Variants in SPINT1 observed in about 807,000 individuals in gnomAD.
SPINT1 encodes the protein kunitz-type protease inhibitor 1.
SPINT1 carries 38 observed loss-of-function variants against 53.7 expected under a neutral mutation model. The ratio of observed to expected loss-of-function variants is 0.71; its 90% CI spans 0.55 to 0.93. SPINT1 has a LOEUF of 0.93. Among genes scored for constraint, SPINT1 ranks in the 40% least tolerant of loss-of-function variants. The pLI, the probability that SPINT1 is intolerant of heterozygous loss-of-function variation, is 0.00. For missense variants in SPINT1, 645 were observed against 692.9 expected (o/e 0.93, Z 0.78); for synonymous variants, 283 against 280.6 (o/e 1.01, Z -0.08).
In SPINT1 at chr15:40,853,721, C is replaced by T. The variant is rs17658212; in HGVS notation, c.753C>T (p.Leu251=). 0.053 allele frequency: 86,342 copies of T among 1,614,104 alleles called. 2,720 individuals are homozygous for T. The highest frequency in any genetic ancestry group is 0.063 in the Non-Finnish European group (74,265 of 1,179,950). The part of the protein sequence containing the change: ...LSTKQTEDYC[L]ASNKVGRCRG... ...AGCTCTCCCCCCTAGACTACTGCCT[C>T]GCATCCAACAAGGTGGGTCGCTGCC... The change falls in exon 5 of 11, where the codon CTC becomes CTT. Residue 251 remains leucine, a synonymous_variant. Transcript: ENST00000562057.
chr15:40,851,209 A>C (rs1891445642), intron 2 of SPINT1, among the ~76,000 whole-genome samples: 1 of 149,230 alleles, frequency 6.7e-6, no homozygotes, highest in Non-Finnish European at 1.5e-5. Context: ...GCTGGAGTGC[A>C]GTGGCACGAT....
intron 2 of SPINT1, among the ~76,000 whole-genome samples, chr15:40,846,629 C>A (rs565342941): frequency 1.7e-3 from 254 of 152,262 alleles, no homozygotes; most frequent in Non-Finnish European, 2.0e-3. Context: ...CAGTGGATAA[C>A]AGAACCGGGG....
chr15:40,856,399 A>T lies in SPINT1; in HGVS notation c.1336+76A>T, dbSNP rs563184898. 90 of 1,576,572 alleles carry T rather than the reference A, an allele frequency of 5.7e-5. No individual in the cohort carries two copies. In the East Asian group the frequency reaches 2.0e-3, roughly 35 times the overall value. On this transcript the variant is annotated intron_variant, in intron 10 of 10. Coordinates refer to ENST00000562057, the MANE Select transcript of SPINT1 (RefSeq NM_003710.4). ...ACGGATCAACTCCACCTGTTGTGAC[A>T]GCCTAACCTGTGTTGAGAAGGATGC...
Position 40,855,903 on chromosome 15 carries a change from G to T in SPINT1, c.1129G>T (p.Asp377Tyr). 1.2e-6 allele frequency: 2 copies of T among 1,614,106 alleles called. No homozygotes were observed. Among genetic ancestry groups the T allele is most frequent in the Non-Finnish European group, 8.5e-7 (1 of 1,179,974 alleles). ...CCCATACCCCCCAGGGCACTGCGTG[G>T]ACCTGCCAGACACAGGACTCTGCAA... The part of the protein sequence containing the change: ...HFPSDKGHCV[D>Y]LPDTGLCKES... Residue 377 changes from aspartate to tyrosine, a missense_variant, in exon 9 of 11, where the codon GAC becomes TAC. Physicochemically the swap from Asp to Tyr is radical, Grantham distance 160. Coordinates refer to ENST00000562057, the MANE Select transcript of SPINT1 (RefSeq NM_003710.4).
intron 2 of SPINT1, among the ~76,000 whole-genome samples, chr15:40,849,050 T>G (rs1198289745): frequency 6.6e-6 from 1 of 151,438 alleles, no homozygotes; most frequent in Non-Finnish European, 1.5e-5. Context: ...ATTGAGACCA[T>G]CCTGGCTAAC....
At position 40,856,348 on chromosome 15, in the gene SPINT1, T is replaced by C. The variant is rs766065211; in HGVS notation, c.1336+25T>C. ...GGTAAGCCCTGATCTGTCCTGTAAC[T>C]GAGGTTAGCATGTAGGTATCAACTC... On this transcript the variant is annotated intron_variant, in intron 10 of 10. Transcript: ENST00000562057. The C allele has an allele frequency of 5.0e-6, 8 of 1,613,896 alleles. No individual in the cohort carries two copies. The Admixed American group carries it at 1.3e-4, about 27-fold the overall frequency.
Position 40,858,123 on chromosome 15 carries a change from G to GA in SPINT1, c.*1149dup, listed in dbSNP as rs1238123146. 1.3e-5 allele frequency: 2 copies of GA among 149,322 alleles called. No individual in the cohort carries two copies. Among genetic ancestry groups the GA allele is most frequent in the African/African-American group, 5.0e-5 (2 of 40,204 alleles). The allele number at this position is 149,322 out of a possible 1,614,324, so 9.2% of individuals were successfully genotyped here. A position where few individuals can be genotyped will look rare whatever the true frequency, so the allele number is the denominator to read the frequency against. ...CTCCTTCCCAGGAGCCTTTAGTAGA[G>GA]ACACGCCACTCCAACCCACACCCCT... On this transcript the variant is annotated 3_prime_UTR_variant, in exon 11 of 11. Transcript: ENST00000562057.
intron 2 of SPINT1, among the ~76,000 whole-genome samples, chr15:40,845,370 A>G (rs778123297): frequency 2.0e-5 from 2 of 101,278 alleles, no homozygotes; most frequent in Non-Finnish European, 3.6e-5. Context: ...GGGTTTCACT[A>G]TGTTGGCCAG....
rs1328191189 is a variant in SPINT1, at chr15:40,857,902, CCTG to C, written c.*928_*930del. The C allele has an allele frequency of 6.6e-6, 1 of 152,270 alleles. No individual in the cohort carries two copies. Among genetic ancestry groups the C allele is most frequent in the Non-Finnish European group, 1.5e-5 (1 of 68,104 alleles). The allele number at this position is 152,270 out of a possible 1,614,324, so 9.4% of individuals were successfully genotyped here. On this transcript the variant is annotated 3_prime_UTR_variant, in exon 11 of 11. Coordinates refer to ENST00000562057, the MANE Select transcript of SPINT1 (RefSeq NM_003710.4). Reference sequence around the variant, plus strand: ...GCAGTGCTGCTGTGTAGCATTTCTTCCTGGTGTGAGCCTCTCCACAAGCCTGTT... The same window carrying C: ...GCAGTGCTGCTGTGTAGCATTTCTTCGTGTGAGCCTCTCCACAAGCCTGTT...
At chr15:40,847,187 T>G (rs1285322194) in intron 2 of SPINT1, among the ~76,000 whole-genome samples, 1 of 152,154 alleles carries the variant, frequency 6.6e-6, no homozygotes, top group Non-Finnish European at 1.5e-5. Flanking sequence ...GGCTTGGACT[T>G]AGTATGAGCT....
Position 40,844,694 on chromosome 15 carries a change from G to A in SPINT1, c.140G>A (p.Gly47Glu), listed in dbSNP as rs1378707323. ...CCCGCGCCCCCTGGGCTGCCCGCGGGAGCCGACTGCCTGAACAGCTTTACC... is the reference window on the plus strand; with the variant it reads ...CCCGCGCCCCCTGGGCTGCCCGCGGAAGCCGACTGCCTGAACAGCTTTACC... ...PPPAPPGLPA[G>E]ADCLNSFTAG... Residue 47 changes from glycine to glutamate, a missense_variant, in exon 2 of 11, where the codon GGA becomes GAA. Gly to Glu is a moderately conservative substitution (Grantham distance 98, BLOSUM62 -2). Transcript: ENST00000562057. The surrounding 1 kb of genome is among the most constrained non-coding windows in gnomAD (Gnocchi z 5.8). The A allele has an allele frequency of 6.2e-7, 1 of 1,607,800 alleles. No homozygotes were observed. The highest frequency in any genetic ancestry group is 8.5e-7 in the Non-Finnish European group (1 of 1,177,202).
At position 40,857,110 on chromosome 15, in the gene SPINT1, C is replaced by A. The variant is rs1856982176; in HGVS notation, c.*135C>A. ...GTGCCTCAGAGACCAGGGCTCCAGCCCCTCTTGGAGAAGTCTCAGCTAAGC... is the reference window on the plus strand; with the variant it reads ...GTGCCTCAGAGACCAGGGCTCCAGCACCTCTTGGAGAAGTCTCAGCTAAGC... On this transcript the variant is annotated 3_prime_UTR_variant, in exon 11 of 11. Coordinates refer to ENST00000562057, the MANE Select transcript of SPINT1 (RefSeq NM_003710.4). 1 of 1,196,806 alleles carries A rather than the reference C, an allele frequency of 8.4e-7. No homozygotes were observed. The highest frequency in any genetic ancestry group is 1.1e-6 in the Non-Finnish European group (1 of 871,944). 74.1% of individuals were successfully genotyped at this position (1,196,806 alleles called of 1,614,324 possible).
At chr15:40,856,097 G>T in intron 9 of SPINT1, 35 bp downstream of exon 9, 1 of 1,611,586 alleles carries the variant, frequency 6.2e-7, no homozygotes, top group Non-Finnish European at 8.5e-7. Flanking sequence ...GCATGTATGG[G>T]GGAAGGCTTA....
chr15:40,854,601 C>T (rs1385499359), intron 7 of SPINT1, 38 bp from the exon 8 acceptor site: 2 of 1,614,080 alleles, frequency 1.2e-6, no homozygotes, highest in African/African-American at 1.3e-5. Context: ...CTGGGAGACC[C>T]TTGTTGGGTC....
chr15:40,853,997 C>A, intron 5 of SPINT1, 63 bp from the exon 6 acceptor site: 1 of 1,594,380 alleles, frequency 6.3e-7, no homozygotes, highest in Non-Finnish European at 8.6e-7. Flanking sequence ...CCACCCACCC[C>A]AATTATCTCA....
At position 40,844,586 on chromosome 15, in the gene SPINT1, G is replaced by A. The variant is rs1006193719; in HGVS notation, c.32G>A (p.Arg11His). 3 of 1,609,350 alleles carry A rather than the reference G, an allele frequency of 1.9e-6. No individual in the cohort carries two copies. The highest frequency in any genetic ancestry group is 1.3e-5 in the African/African-American group (1 of 74,516). Residue 11 changes from arginine to histidine, a missense_variant, in exon 2 of 11, where the codon CGC becomes CAC. By Grantham distance (29) the Arg-to-His change is conservative. Transcript: ENST00000562057. This position sits in a 1 kb window ranked among gnomAD's most constrained non-coding sequence, Gnocchi z 5.8. The part of the protein sequence containing the change: MAPARTMARA[R>H]LAPAGIPAVA... ...CCTGCGAGGACGATGGCCCGCGCCCGCCTCGCCCCGGCCGGCATCCCTGCC... is the reference window on the plus strand; with the variant it reads ...CCTGCGAGGACGATGGCCCGCGCCCACCTCGCCCCGGCCGGCATCCCTGCC...
At position 40,854,475 on chromosome 15, in the gene SPINT1, A is replaced by G; in HGVS notation, c.1019A>G (p.Asp340Gly). ...ATCGACAGTTTCCTGGAGTGTGACG[A>G]CACCCCCAACTGCCCCGACGCCTCC... The part of the protein sequence containing the change: ...CCIDSFLECD[D>G]TPNCPDASDE... Residue 340 changes from aspartate (D) to glycine (G), a missense_variant, in exon 7 of 11, where the codon GAC becomes GGC. Physicochemically the swap from Asp to Gly is moderately conservative, Grantham distance 94. Coordinates refer to ENST00000562057, the MANE Select transcript of SPINT1 (RefSeq NM_003710.4). The G allele has an allele frequency of 6.2e-7, 1 of 1,613,444 alleles. No individual in the cohort carries two copies. The highest frequency in any genetic ancestry group is 8.5e-7 in the Non-Finnish European group (1 of 1,179,890).
rs1398315837 is a variant in SPINT1, at chr15:40,857,779, G to A, written c.*804G>A. On this transcript the variant is annotated 3_prime_UTR_variant, in exon 11 of 11. Transcript: ENST00000562057. The stretch of plus-strand genomic sequence containing the variant: ...AGCAGGTTTTCCCATCGTCTCTCTC[G>A]AAACTGGCCTGGCCCCTGACTTTGG... 1 of 150,654 alleles carries A rather than the reference G, an allele frequency of 6.6e-6. No individual in the cohort carries two copies. 9.3% of individuals were successfully genotyped at this position (150,654 alleles called of 1,614,324 possible). A position where few individuals can be genotyped will look rare whatever the true frequency, so the allele number is the denominator to read the frequency against.
chr15:40,854,064 C>T lies in SPINT1; in HGVS notation c.918C>T (p.Pro306=). 4 of 1,550,252 alleles carry T rather than the reference C, an allele frequency of 2.6e-6. No homozygotes were observed. Among genetic ancestry groups the T allele is most frequent in the Non-Finnish European group, 2.6e-6 (3 of 1,150,376 alleles). The stretch of plus-strand genomic sequence containing the variant: ...ATTCTCTGTTCTCTCTCCCAGGCCC[C>T]TCCATGGAAAGGCGCCATCCAGGTG... ...CILACRGVQG[P]SMERRHPVCS... Residue 306 remains proline, a synonymous_variant, in exon 6 of 11, where the codon CCC becomes CCT. Coordinates refer to ENST00000562057, the MANE Select transcript of SPINT1 (RefSeq NM_003710.4).
Sources: gnomAD v4.1 joint callset for allele counts (sites outside exome capture counted in the v4.1 genomes callset) on GRCh38, gnomAD v4.1.1 for gene constraint, Gnocchi (gnomAD v3.1) non-coding constraint, MANE v1.5 for transcripts, NCBI Gene and HGNC (gene_info 2026-07-23, HGNC 2026-07-21) for gene names.